Variants in ELF2 observed in about 807,000 individuals in gnomAD.
ELF2 encodes E74 like ETS transcription factor 2, also known as ETS-related transcription factor Elf-2.
ELF2 carries 11 observed loss-of-function variants against 54.8 expected under a neutral mutation model. The ratio of observed to expected loss-of-function variants is 0.20; its 90% CI spans 0.13 to 0.33. ELF2 has a LOEUF of 0.33. Ranked by LOEUF, ELF2 falls within the 10% of genes least tolerant of loss-of-function variation. ELF2 has a pLI of 1.00. For missense variants in ELF2, 513 were observed against 703.0 expected, an observed-to-expected ratio of 0.73 and a Z score of 3.06; for synonymous variants, 203 against 245.1, an observed-to-expected ratio of 0.83 and a Z score of 1.61.
intron 4 of ELF2, among the ~76,000 whole-genome samples, chr4:139,074,775 A>G (rs1197022540): frequency 6.6e-6 from 1 of 151,990 alleles, no homozygotes; most frequent in Non-Finnish European, 1.5e-5. Flanking sequence ...AAAAAAACAA[A>G]AAGAAAATAT....
In ELF2 at chr4:139,058,789, T is replaced by A; in HGVS notation, c.*194A>T. On this transcript the variant is annotated 3_prime_UTR_variant, in exon 10 of 10. Transcript: ENST00000686138. The stretch of plus-strand genomic sequence containing the variant: ...TCCTACTGTAAGAGGCAGTTTTCTG[T>A]CAGCATCTCAATATGTAGTTCATTT... 1 of 726,262 alleles carries A rather than the reference T, an allele frequency of 1.4e-6. No individual in the cohort carries two copies. Among genetic ancestry groups the A allele is most frequent in the Non-Finnish European group, 2.1e-6 (1 of 475,686 alleles). 45.0% of individuals were successfully genotyped at this position (726,262 alleles called of 1,614,324 possible).
At chr4:139,088,591 A>G (rs531595357) in intron 4 of ELF2, among the ~76,000 whole-genome samples, 1 of 151,716 alleles carries the variant, frequency 6.6e-6, no homozygotes, top group South Asian at 2.1e-4. Flanking sequence ...GTTTCTTCCT[A>G]TTTCTTTTCA....
intron 1 of ELF2, among the ~76,000 whole-genome samples, chr4:139,174,599 C>A (rs1313308901): frequency 6.6e-6 from 1 of 150,950 alleles, no homozygotes. Flanking sequence ...AGAAACTACT[C>A]AAAAAAAAAT....
intron 1 of ELF2, among the ~76,000 whole-genome samples, chr4:139,170,473 A>C (rs1742184728): frequency 6.6e-6 from 1 of 151,422 alleles, no homozygotes; most frequent in South Asian, 2.1e-4. Context: ...CATGTTGGCC[A>C]GGCTGGTCTC....
chr4:139,157,986 G>A (rs138625839), intron 1 of ELF2, among the ~76,000 whole-genome samples: 137 of 152,328 alleles, frequency 9.0e-4, no homozygotes, highest in African/African-American at 3.1e-3. Flanking sequence ...ACTCGCATCC[G>A]TGTGAAGAGA....
intron 1 of ELF2, 42 bp from the exon 2 acceptor site, chr4:139,139,539 T>C (rs1392675828): frequency 1.9e-6 from 2 of 1,076,516 alleles, no homozygotes; most frequent in African/African-American, 1.6e-5. Context: ...AATATAATTA[T>C]ATTAAAAAGC....
rs1384416939 is a variant in ELF2, at chr4:139,125,348, AG to A, written c.73-20del. The A allele has an allele frequency of 1.2e-6, 2 of 1,602,886 alleles. No individual in the cohort carries two copies. Among genetic ancestry groups the A allele is most frequent in the Non-Finnish European group, 8.5e-7 (1 of 1,177,522 alleles). ...CACTTTCCTATAAGAGCAAATTTAA[AG>A]AACAATCAACCTTTGTATTTACAAA... On this transcript the variant is annotated intron_variant, in intron 3 of 9. Transcript: ENST00000686138.
intron 1 of ELF2, among the ~76,000 whole-genome samples, chr4:139,161,652 TAAAAAAAA>T (rs57452146): frequency 1.1e-4 from 8 of 70,020 alleles, no homozygotes; most frequent in South Asian, 1.2e-3. Flanking sequence ...TAAAACTGTT[TAAAAAAAA>T]AAAAAAAAAA....
intron 7 of ELF2, chr4:139,066,578 G>T (rs997643012): frequency 3.9e-5 from 6 of 152,040 alleles, no homozygotes; most frequent in Non-Finnish European, 7.4e-5. Flanking sequence ...TTTTTAATCA[G>T]GATACACAAA....
intron 1 of ELF2, among the ~76,000 whole-genome samples, chr4:139,175,481 G>A (rs1002335215): frequency 6.6e-6 from 1 of 152,022 alleles, no homozygotes; most frequent in Admixed American, 6.6e-5. Flanking sequence ...AAACTGTAAT[G>A]CTCTATAAAA....
intron 4 of ELF2, chr4:139,084,438 G>GGGCAGGGGC (rs1553957925): frequency 1.7e-4 from 190 of 1,118,252 alleles, no homozygotes; most frequent in Middle Eastern, 3.7e-4. Flanking sequence ...GCAGGGGCAG[G>GGGCAGGGGC]GGCGGCGGCG....
intron 1 of ELF2, among the ~76,000 whole-genome samples, chr4:139,152,940 G>C (rs1740168249): frequency 7.4e-6 from 1 of 134,990 alleles, no homozygotes; most frequent in Admixed American, 7.9e-5. Flanking sequence ...CTGTCGCCCA[G>C]GCTGAAGTGC....
intron 1 of ELF2, among the ~76,000 whole-genome samples, chr4:139,153,274 A>C (rs558575719): frequency 1.3e-5 from 2 of 152,062 alleles, no homozygotes; most frequent in Middle Eastern, 3.4e-3. Flanking sequence ...ATCTCTACTA[A>C]AAATACAAAA....
intron 1 of ELF2, among the ~76,000 whole-genome samples, chr4:139,169,973 T>C (rs1742115572): frequency 6.6e-6 from 1 of 152,172 alleles, no homozygotes; most frequent in South Asian, 2.1e-4. Flanking sequence ...ACTGCTTTCT[T>C]TCAGAGGGAC....
intron 8 of ELF2, 51 bp from the exon 9 acceptor site, chr4:139,060,725 C>T (rs1285841730): frequency 6.2e-6 from 9 of 1,460,788 alleles, no homozygotes; most frequent in Non-Finnish European, 8.3e-6. Context: ...TTCTTCACCC[C>T]ACTCCACCCC....
At chr4:139,154,780 C>T (rs1740357062) in intron 1 of ELF2, among the ~76,000 whole-genome samples, 1 of 152,120 alleles carries the variant, frequency 6.6e-6, no homozygotes, top group African/African-American at 2.4e-5. Context: ...GACTTTTCCT[C>T]TGATGTAAAA....
intron 3 of ELF2, among the ~76,000 whole-genome samples, chr4:139,133,167 C>A (rs1490275998): frequency 6.6e-6 from 1 of 152,040 alleles, no homozygotes; most frequent in Non-Finnish European, 1.5e-5. Flanking sequence ...GTGATCCGCC[C>A]GCCTCGGCTT....
chr4:139,164,566 A>G (rs1213232672), intron 1 of ELF2, among the ~76,000 whole-genome samples: 2 of 152,282 alleles, frequency 1.3e-5, no homozygotes, highest in South Asian at 4.1e-4. Context: ...GAACCTGGGA[A>G]GTAGAGATTG....
chr4:139,099,423 G>A (rs562905884), intron 4 of ELF2, among the ~76,000 whole-genome samples: 1 of 152,306 alleles, frequency 6.6e-6, no homozygotes, highest in East Asian at 1.9e-4. Flanking sequence ...ATGGAGCACA[G>A]TGTGGAAACA....
Sources: allele counts gnomAD v4.1 joint callset (sites outside exome capture counted in the v4.1 genomes callset), GRCh38; gene constraint gnomAD v4.1.1; transcripts MANE v1.5; gene names NCBI Gene and HGNC (gene_info 2026-07-23, HGNC 2026-07-21).